The following ZNF518A variants were observed in gnomAD, a reference collection of about 807,000 sequenced individuals.
ZNF518A encodes zinc finger protein 518A.
A neutral mutation model predicts 102.7 loss-of-function variants in ZNF518A; 47 were observed. The ratio of observed to expected loss-of-function variants is 0.46; its 90% CI spans 0.36 to 0.58. ZNF518A has a LOEUF of 0.58. Ranked by LOEUF, ZNF518A falls within the 20% of genes least tolerant of loss-of-function variation. The pLI is 0.00. For missense variants in ZNF518A, 1,793 were observed against 1,699.8 expected, an observed-to-expected ratio of 1.05 and a Z score of -0.96; for synonymous variants, 652 against 594.6, an observed-to-expected ratio of 1.10 and a Z score of -1.40.
chr10:96,170,799 C>A (rs2083168782), intron 1 of ZNF518A, among the ~76,000 whole-genome samples: 1 of 151,984 alleles, frequency 6.6e-6, no homozygotes, highest in African/African-American at 2.4e-5. Context: ...AAAGACAACC[C>A]ACAGATTGGG....
chr10:96,204,445 G>A (rs1256485977), downstream of ZNF518A: 12 of 1,378,346 alleles, frequency 8.7e-6, no homozygotes, highest in Admixed American at 1.8e-4. Context: ...AGCACTGCAA[G>A]TCAGTGTCAC....
Position 96,158,929 on chromosome 10 carries a change from A to C in ZNF518A, c.2607A>C (p.Pro869=). 6 of 1,613,654 alleles carry C rather than the reference A, an allele frequency of 3.7e-6. No individual in the cohort carries two copies. Among genetic ancestry groups the C allele is most frequent in the Non-Finnish European group, 4.2e-6 (5 of 1,179,708 alleles). ...FGKEKQVSSI[P]QDVRDSEKMP... is the part of the protein sequence containing the mutation. ...AAGAAAAACAAGTGTCATCAATACC[A>C]CAAGATGTGAGAGATTCAGAGAAGA... Residue 869 remains proline, a synonymous_variant, in exon 6 of 6, where the codon CCA becomes CCC. Coordinates refer to ENST00000316045, the MANE Select transcript of ZNF518A (RefSeq NM_001330736.2).
At chr10:96,198,969 G>A (rs1321819143) in intron 1 of ZNF518A, among the ~76,000 whole-genome samples, 1 of 152,196 alleles carries the variant, frequency 6.6e-6, no homozygotes, top group Non-Finnish European at 1.5e-5. Flanking sequence ...AAAGTGCTAG[G>A]ATTACAGGCA....
downstream of ZNF518A, among the ~76,000 whole-genome samples, chr10:96,165,094 A>G (rs1173468782): frequency 6.6e-6 from 1 of 152,254 alleles, no homozygotes; most frequent in Non-Finnish European, 1.5e-5. Context: ...AACAATTAAC[A>G]GTAATCAACT....
At chr10:96,174,444 T>C (rs1243531438) in intron 1 of ZNF518A, among the ~76,000 whole-genome samples, 1 of 151,976 alleles carries the variant, frequency 6.6e-6, no homozygotes, top group African/African-American at 2.4e-5. Flanking sequence ...AAAATAAGAC[T>C]CAAATTACTA....
At position 96,158,916 on chromosome 10, in the gene ZNF518A, T is replaced by C. The variant is rs908960137; in HGVS notation, c.2594T>C (p.Val865Ala). The change falls in exon 6 of 6, where the codon GTG becomes GCG. Residue 865 changes from valine (V) to alanine (A), a missense_variant. Physicochemically the swap from Val to Ala is moderately conservative, Grantham distance 64. Coordinates refer to ENST00000316045, the MANE Select transcript of ZNF518A (RefSeq NM_001330736.2). ...TTGAAATTTGGAAAAGAAAAACAAG[T>C]GTCATCAATACCACAAGATGTGAGA... ...LNLKFGKEKQ[V>A]SSIPQDVRDS... is the part of the protein sequence containing the mutation. The C allele has an allele frequency of 4.3e-6, 7 of 1,613,658 alleles. No individual in the cohort carries two copies. In the South Asian group the frequency reaches 6.6e-5, roughly 15 times the overall value.
intron 1 of ZNF518A, among the ~76,000 whole-genome samples, chr10:96,178,848 G>C (rs1432982826): frequency 6.6e-6 from 1 of 151,862 alleles, no homozygotes; most frequent in South Asian, 2.1e-4. Flanking sequence ...TTCCTTGAGA[G>C]ACAAATTAAC....
chr10:96,140,347 C>G (rs1390924167), intron 3 of ZNF518A, among the ~76,000 whole-genome samples: 3 of 152,044 alleles, frequency 2.0e-5, no homozygotes, highest in African/African-American at 7.3e-5. Context: ...CTGTGTAGAC[C>G]TAGAGAAAAA....
chr10:96,157,734 G>A lies in ZNF518A; in HGVS notation c.1412G>A (p.Gly471Asp). ...VPIKQNVCSP[G>D]SQSGAAKDGT... is the part of the protein sequence containing the mutation. ...ATCAAACAAAATGTATGTTCACCAG[G>A]CTCACAGTCAGGTGCTGCAAAGGAC... is the stretch of plus-strand genomic sequence containing the variant. The change falls in exon 6 of 6, where the codon GGC (glycine) becomes GAC (aspartate). Residue 471 changes from glycine to aspartate, a missense_variant. Physicochemically the swap from Gly to Asp is moderately conservative, Grantham distance 94. Transcript: ENST00000316045. 6.2e-7 allele frequency: 1 copy of A among 1,613,876 alleles called. No homozygotes were observed. Among genetic ancestry groups the A allele is most frequent in the Non-Finnish European group, 8.5e-7 (1 of 1,179,792 alleles).
chr10:96,199,782 G>A (rs1445328935), intron 1 of ZNF518A, among the ~76,000 whole-genome samples: 1 of 152,192 alleles, frequency 6.6e-6, no homozygotes, highest in African/African-American at 2.4e-5. Flanking sequence ...CACTTTGGGA[G>A]GCCAAGGCCG....
chr10:96,172,182 C>T (rs1260301401), intron 1 of ZNF518A, among the ~76,000 whole-genome samples: 1 of 135,320 alleles, frequency 7.4e-6, no homozygotes, highest in Non-Finnish European at 1.7e-5. Flanking sequence ...AAAGACATTA[C>T]ATGAAAGTAA....
chr10:96,198,986 A>G (rs2083552863), intron 1 of ZNF518A, among the ~76,000 whole-genome samples: 1 of 152,258 alleles, frequency 6.6e-6, no homozygotes, highest in African/African-American at 2.4e-5. Context: ...GGCATAAGCC[A>G]CTGCGCCTGG....
intron 1 of ZNF518A, chr10:96,189,346 G>A (rs2083294319): frequency 7.2e-6 from 4 of 552,874 alleles, no homozygotes; most frequent in South Asian, 5.8e-5. Context: ...TTAACAAATT[G>A]TTTAAACTAT....
chr10:96,134,915 G>C (rs1282726196), intron 3 of ZNF518A, among the ~76,000 whole-genome samples: 1 of 152,032 alleles, frequency 6.6e-6, no homozygotes, highest in Non-Finnish European at 1.5e-5. Flanking sequence ...GAAGGTTGTG[G>C]CTGGTAAAAG....
rs3748226 is a variant in ZNF518A, at chr10:96,163,243, T to A, written c.*2469T>A. 0.32 allele frequency: 52,984 copies of A among 166,748 alleles called. 9,653 individuals are homozygous for A. The highest frequency in any genetic ancestry group is 0.66 in the East Asian group (3,443 of 5,180). 10.3% of individuals were successfully genotyped at this position (166,748 alleles called of 1,614,324 possible). On this transcript the variant is annotated 3_prime_UTR_variant, in exon 6 of 6. Transcript: ENST00000316045. ...CTGATTTTGTTAACTTAAGTTATTCTGAGGGAGGCAGACCTGCTTAGAGTT... is the reference window on the plus strand; with the variant it reads ...CTGATTTTGTTAACTTAAGTTATTCAGAGGGAGGCAGACCTGCTTAGAGTT...
chr10:96,152,897 G>A (rs1160354312), intron 3 of ZNF518A, among the ~76,000 whole-genome samples: 6 of 152,204 alleles, frequency 3.9e-5, no homozygotes, highest in African/African-American at 1.4e-4. Flanking sequence ...ACTATATATA[G>A]ATTGATTGAT....
chr10:96,142,530 TAGAG>T (rs1404227547), intron 3 of ZNF518A, among the ~76,000 whole-genome samples: 2 of 152,134 alleles, frequency 1.3e-5, no homozygotes, highest in Non-Finnish European at 2.9e-5. Context: ...TGAGACAACT[TAGAG>T]AGCTACATGC....
intron 3 of ZNF518A, among the ~76,000 whole-genome samples, chr10:96,140,592 T>A (rs1318039879): frequency 5.9e-5 from 9 of 152,140 alleles, no homozygotes; most frequent in African/African-American, 2.2e-4. Context: ...TATGTCACTT[T>A]GGACAAATTA....
chr10:96,192,178 G>C, intron 1 of ZNF518A: 1 of 1,549,496 alleles, frequency 6.5e-7, no homozygotes, highest in Non-Finnish European at 8.8e-7. Context: ...TCATTCTCAA[G>C]TTAGTAAAAG....
Sources: allele counts gnomAD v4.1 joint callset (sites outside exome capture counted in the v4.1 genomes callset), GRCh38; gene constraint gnomAD v4.1.1; transcripts MANE v1.5; gene names NCBI Gene and HGNC (gene_info 2026-07-23, HGNC 2026-07-21).